GPC5: variants seen among roughly 807,000 people sequenced by gnomAD.
GPC5 encodes the protein glypican 5.
GPC5 carries 47 observed loss-of-function variants against 53.9 expected under a neutral mutation model. The observed-to-expected ratio is 0.87, with a 90% CI of 0.69 to 1.11. GPC5 has a LOEUF of 1.11. Among genes scored for constraint, GPC5 ranks in the 50% most tolerant of loss-of-function variants. The pLI, the probability that GPC5 is intolerant of heterozygous loss-of-function variation, is 0.00. For synonymous variants in GPC5, 286 were observed against 263.3 expected, an observed-to-expected ratio of 1.09 and a Z score of -0.84; for missense variants, 748 against 713.1, an observed-to-expected ratio of 1.05 and a Z score of -0.56.
intron 6 of GPC5, among the ~76,000 whole-genome samples, chr13:91,962,039 T>C (rs1352387563): frequency 6.6e-6 from 1 of 152,162 alleles, no homozygotes; most frequent in Non-Finnish European, 1.5e-5. Flanking sequence ...GAGATTACCT[T>C]TGAAAACTAT....
intron 2 of GPC5, among the ~76,000 whole-genome samples, chr13:91,586,501 TATATA>T (rs2032574562): frequency 2.9e-3 from 1 of 346 alleles, no homozygotes; most frequent in Non-Finnish European, 4.9e-3. Flanking sequence ...GGCAGCAGGA[TATATA>T]TATATATATA....
At chr13:92,681,457 C>A (rs1191695791) in intron 7 of GPC5, among the ~76,000 whole-genome samples, 1 of 151,886 alleles carries the variant, frequency 6.6e-6, no homozygotes, top group Non-Finnish European at 1.5e-5. Flanking sequence ...ACATTCCTTT[C>A]TCTCCTACCC....
intron 2 of GPC5, among the ~76,000 whole-genome samples, chr13:91,651,134 C>T (rs1246320151): frequency 1.3e-5 from 2 of 152,100 alleles, no homozygotes; most frequent in African/African-American, 4.8e-5. Context: ...ATGAATTTCA[C>T]CATACCACTA....
At chr13:92,454,060 C>T (rs1878171753) in intron 7 of GPC5, among the ~76,000 whole-genome samples, 1 of 152,102 alleles carries the variant, frequency 6.6e-6, no homozygotes, top group African/African-American at 2.4e-5. Context: ...AAGCTCAAAC[C>T]TAAGTGTTAA....
intron 6 of GPC5, among the ~76,000 whole-genome samples, chr13:92,129,820 A>C (rs1277729756): frequency 6.6e-6 from 1 of 152,166 alleles, no homozygotes; most frequent in Admixed American, 6.5e-5. Flanking sequence ...AGAACAAAAC[A>C]AGAAAGACAT....
In GPC5 at chr13:91,970,868, C is replaced by T. The variant is rs140738712; in HGVS notation, c.1401+62811C>T. 6.0e-3 allele frequency among the ~76,000 whole-genome samples: 912 copies of T among 152,180 alleles called. 16 individuals are homozygous for T. The highest frequency in any genetic ancestry group is 0.021 in the African/African-American group (879 of 41,502). On this transcript the variant is annotated intron_variant, in intron 6 of 7. Transcript: ENST00000377067. ...TGATGTGCTGCTGGATTCGGTTTGC[C>T]AGTATTTTATTCAGGATTTTTGCAT...
At position 92,166,921 on chromosome 13, in the gene GPC5, GTCTCTCTCTCTC is replaced by G. The variant is rs35310453; in HGVS notation, c.1561+21957_1561+21968del. The stretch of plus-strand genomic sequence containing the variant: ...TATCCAAAATAAGGCATAAGTCTCA[GTCTCTCTCTCTC>G]TCTCTCTCTCTCTCTCTCTCTCTCA... On this transcript the variant is annotated intron_variant, in intron 7 of 7. Transcript: ENST00000377067. Among the ~76,000 whole-genome samples the G allele has an allele frequency of 8.5e-3, 1,086 of 128,394 alleles. 7 individuals carry two copies. The highest frequency in any genetic ancestry group is 0.02 in the Middle Eastern group (5 of 250). 84.2% of individuals were successfully genotyped at this position (128,394 alleles called of 152,430 possible).
chr13:91,680,267 G>A (rs1205443484), intron 2 of GPC5, among the ~76,000 whole-genome samples: 1 of 152,134 alleles, frequency 6.6e-6, no homozygotes, highest in East Asian at 1.9e-4. Context: ...TGGCCAACAT[G>A]GTGAAACCTC....
chr13:92,353,126 G>A (rs552307816), intron 7 of GPC5, among the ~76,000 whole-genome samples: 1 of 151,582 alleles, frequency 6.6e-6, no homozygotes, highest in East Asian at 1.9e-4. Flanking sequence ...CAGGCGCGGT[G>A]GCGGGCGCCT....
chr13:92,314,013 A>T (rs1163563674), intron 7 of GPC5, among the ~76,000 whole-genome samples: 2 of 152,164 alleles, frequency 1.3e-5, no homozygotes, highest in Non-Finnish European at 2.9e-5. Context: ...TTACTTCAAA[A>T]CACTAATTGC....
At chr13:92,710,753 T>G (rs1165316916) in intron 7 of GPC5, among the ~76,000 whole-genome samples, 1 of 152,244 alleles carries the variant, frequency 6.6e-6, no homozygotes, top group East Asian at 1.9e-4. Context: ...TGGGAGAGAC[T>G]GATAAAAGTG....
chr13:92,133,381 A>G (rs7997181), intron 6 of GPC5, among the ~76,000 whole-genome samples: 6,165 of 152,206 alleles, frequency 0.041, 302 homozygotes, highest in African/African-American at 0.12. Flanking sequence ...GGAAACCTTT[A>G]ATAGACTGGG....
At chr13:91,685,969 C>G (rs1430774899) in intron 2 of GPC5, among the ~76,000 whole-genome samples, 1 of 150,788 alleles carries the variant, frequency 6.6e-6, no homozygotes. Context: ...GGAGAACCAC[C>G]AATAAAGGAT....
intron 3 of GPC5, among the ~76,000 whole-genome samples, chr13:91,709,900 G>T (rs1282347533): frequency 6.6e-6 from 1 of 152,066 alleles, no homozygotes; most frequent in African/African-American, 2.4e-5. Context: ...GGCCTTCTTT[G>T]TATCTGTCTG....
At chr13:92,468,719 C>T (rs1054026988) in intron 7 of GPC5, among the ~76,000 whole-genome samples, 3 of 152,082 alleles carry the variant, frequency 2.0e-5, no homozygotes, top group African/African-American at 7.2e-5. Context: ...TAGATGGAAA[C>T]TGGGGAAAGA....
intron 7 of GPC5, among the ~76,000 whole-genome samples, chr13:92,262,085 C>T (rs1265014748): frequency 6.6e-6 from 1 of 152,054 alleles, no homozygotes; most frequent in Non-Finnish European, 1.5e-5. Context: ...AAGGAAAATA[C>T]CTGCCTATAT....
intron 7 of GPC5, among the ~76,000 whole-genome samples, chr13:92,525,888 GC>G (rs1341220039): frequency 6.6e-6 from 1 of 151,950 alleles, no homozygotes; most frequent in African/African-American, 2.4e-5. Flanking sequence ...CCTTTCTTAG[GC>G]ACAATGTTTA....
chr13:92,362,401 G>A (rs935987043), intron 7 of GPC5, among the ~76,000 whole-genome samples: 4 of 151,646 alleles, frequency 2.6e-5, no homozygotes, highest in Non-Finnish European at 4.4e-5. Context: ...AAGATCCTTT[G>A]GTCTTATTAA....
At chr13:92,384,471 C>T (rs991641157) in intron 7 of GPC5, among the ~76,000 whole-genome samples, 2 of 151,878 alleles carry the variant, frequency 1.3e-5, no homozygotes, top group East Asian at 3.9e-4. Context: ...TAAAGGAAAT[C>T]GAATTACAGT....
Sources: gnomAD v4.1 joint callset for allele counts (sites outside exome capture counted in the v4.1 genomes callset) on GRCh38, gnomAD v4.1.1 for gene constraint, MANE v1.5 for transcripts, NCBI Gene and HGNC (gene_info 2026-07-23, HGNC 2026-07-21) for gene names.